KLF7: variants seen among roughly 807,000 people sequenced by gnomAD.
KLF7 encodes Krueppel-like factor 7.
In KLF7, 2 loss-of-function variants were observed where a neutral mutation model predicts 27.3. That is an observed-to-expected ratio of 0.07 (90% CI 0.03 to 0.23). KLF7 has a LOEUF of 0.23. Among genes scored for constraint, KLF7 ranks in the 10% least tolerant of loss-of-function variants. KLF7 has a pLI of 1.00. For synonymous variants in KLF7, 165 were observed against 162.4 expected, an observed-to-expected ratio of 1.02 and a Z score of -0.12; for missense variants, 221 against 394.1, an observed-to-expected ratio of 0.56 and a Z score of 3.72.
chr2:207,138,808 CTG>C (rs1232163285), intron 1 of KLF7, among the ~76,000 whole-genome samples: 6 of 152,354 alleles, frequency 3.9e-5, no homozygotes, highest in African/African-American at 1.4e-4. Flanking sequence ...CATGTTTTCT[CTG>C]CTGAGAATCC....
At chr2:207,171,067 C>T (rs2078780891), upstream of KLF7, among the ~76,000 whole-genome samples, 1 of 149,708 alleles carries the variant, frequency 6.7e-6, no homozygotes, top group African/African-American at 2.5e-5. Flanking sequence ...CTATTGAGAA[C>T]ATTTGTGATT....
At chr2:207,169,827 T>C (rs1011922252), upstream of KLF7, among the ~76,000 whole-genome samples, 1 of 152,172 alleles carries the variant, frequency 6.6e-6, no homozygotes, top group African/African-American at 2.4e-5. Context: ...TGTGCCCAAA[T>C]AAGACATAGA....
At chr2:207,161,820 T>TG (rs1006321279) in intron 1 of KLF7, among the ~76,000 whole-genome samples, 28 of 152,188 alleles carry the variant, frequency 1.8e-4, no homozygotes, top group African/African-American at 6.7e-4. Context: ...AATAGGGGAA[T>TG]GGGGGAGGAG....
chr2:207,110,747 GAAATAAT>G (rs1182362329), intron 2 of KLF7, among the ~76,000 whole-genome samples: 2 of 152,186 alleles, frequency 1.3e-5, no homozygotes, highest in African/African-American at 4.8e-5. Context: ...AATCCTGACA[GAAATAAT>G]AAATAATGCA....
chr2:207,167,140 C>A, upstream of KLF7: 1 of 1,440,668 alleles, frequency 6.9e-7, no homozygotes, highest in Non-Finnish European at 9.1e-7. Flanking sequence ...TGAGGCTCAC[C>A]ATGGGGTCTC....
rs1050929440 is a variant in KLF7 at position 207,074,526 on chromosome 2, C to T, written c.*6687G>A. 1 of 152,112 alleles carries T rather than the reference C, an allele frequency of 6.6e-6. No individual in the cohort carries two copies. Among genetic ancestry groups the T allele is most frequent in the Admixed American group, 6.5e-5 (1 of 15,274 alleles). 9.4% of individuals were successfully genotyped at this position (152,112 alleles called of 1,614,324 possible). ...TTGTATTTCCATCTAGTTTTTTGTA[C>T]TCTCCACAGCCAGCTGGATTTCCTG... On this transcript the variant is annotated 3_prime_UTR_variant, in exon 4 of 4. Transcript: ENST00000309446.
intron 1 of KLF7, among the ~76,000 whole-genome samples, chr2:207,164,341 G>A (rs1466257528): frequency 2.0e-5 from 3 of 152,108 alleles, no homozygotes; most frequent in Admixed American, 1.3e-4. Flanking sequence ...AGGGCAAGCG[G>A]GTTTCTCCAG....
intron 1 of KLF7, among the ~76,000 whole-genome samples, chr2:207,133,846 C>T (rs1263437548): frequency 6.6e-6 from 1 of 152,140 alleles, no homozygotes; most frequent in Non-Finnish European, 1.5e-5. Context: ...CTCATTCCTC[C>T]CCCCAGTGGA....
At chr2:207,172,468 G>GT in the KLF7 span, among the ~76,000 whole-genome samples, 2 of 152,112 alleles carry the variant, frequency 1.3e-5, no homozygotes, top group Admixed American at 1.3e-4. Flanking sequence ...AAATAGATTT[G>GT]TGATACTTAT....
chr2:207,122,053 A>C (rs2077354405), intron 2 of KLF7: 1 of 152,206 alleles, frequency 6.6e-6, no homozygotes, highest in African/African-American at 2.4e-5. Flanking sequence ...CCAGCCTGGG[A>C]GCACTGCAAT....
At chr2:207,153,126 G>A (rs997327201) in intron 1 of KLF7, among the ~76,000 whole-genome samples, 3 of 152,028 alleles carry the variant, frequency 2.0e-5, no homozygotes, top group Non-Finnish European at 4.4e-5. Context: ...ACAGAGCAGC[G>A]AGTGTATACA....
intron 3 of KLF7, among the ~76,000 whole-genome samples, chr2:207,083,833 T>C (rs2543594): frequency 0.83 from 125,982 of 152,138 alleles, 52,953 homozygotes; most frequent in African/African-American, 0.93. Context: ...GATGTCAGCA[T>C]GAGAAGGACT....
chr2:207,143,726 C>A lies in KLF7; in HGVS notation c.103-19322G>T, dbSNP rs182901390. Among the ~76,000 whole-genome samples, 147 of 152,264 alleles carry A rather than the reference C, an allele frequency of 9.7e-4. 1 individual carries two copies. The highest frequency in any genetic ancestry group is 3.3e-3 in the African/African-American group (139 of 41,556). Reference sequence around the variant, plus strand: ...GGCTACTACTCAGATTCAACGCAGGCGCCTTCAGCGAGGGCTCCAGGGCAA... The same window carrying A: ...GGCTACTACTCAGATTCAACGCAGGAGCCTTCAGCGAGGGCTCCAGGGCAA... On this transcript the variant is annotated intron_variant, in intron 1 of 3. Coordinates refer to ENST00000309446, the MANE Select transcript of KLF7 (RefSeq NM_003709.4).
At chr2:207,166,208 G>A (rs1213445225), upstream of KLF7, 9 of 984,290 alleles carry the variant, frequency 9.1e-6, no homozygotes, top group South Asian at 4.7e-5. Context: ...GTAAACAGGG[G>A]GCTCATGAAG....
At chr2:207,153,173 G>A (rs559854815) in intron 1 of KLF7, among the ~76,000 whole-genome samples, 1 of 152,088 alleles carries the variant, frequency 6.6e-6, no homozygotes, top group Non-Finnish European at 1.5e-5. Context: ...TACACACCGA[G>A]ATGATGTTAA....
At position 207,123,736 on chromosome 2, in the gene KLF7, G is replaced by C. The variant is rs201430081; in HGVS notation, c.733+38C>G. The C allele has an allele frequency of 5.7e-6, 9 of 1,580,364 alleles. No individual in the cohort carries two copies. In the Admixed American group the frequency reaches 1.2e-4, roughly 22 times the overall value. On this transcript the variant is annotated intron_variant, in intron 2 of 3. Coordinates refer to ENST00000309446, the MANE Select transcript of KLF7 (RefSeq NM_003709.4). Reference sequence around the variant, plus strand: ...CCCACATGACGAGGCTACAGGAGGGGAAAGAAGAAACCACGTGCGGCCAAC... The same window carrying C: ...CCCACATGACGAGGCTACAGGAGGGCAAAGAAGAAACCACGTGCGGCCAAC...
chr2:207,115,797 G>A (rs2077164187), intron 2 of KLF7, among the ~76,000 whole-genome samples: 1 of 152,102 alleles, frequency 6.6e-6, no homozygotes, highest in South Asian at 2.1e-4. Flanking sequence ...CCTAATTGAA[G>A]GTTAAAAAAC....
intron 1 of KLF7, among the ~76,000 whole-genome samples, chr2:207,140,940 G>A (rs1325523725): frequency 6.6e-6 from 1 of 152,196 alleles, no homozygotes; most frequent in East Asian, 1.9e-4. Context: ...ACAATGTGGA[G>A]TCATGGAGAG....
chr2:207,152,095 G>A (rs554558116), intron 1 of KLF7, among the ~76,000 whole-genome samples: 1 of 152,292 alleles, frequency 6.6e-6, no homozygotes, highest in South Asian at 2.1e-4. Flanking sequence ...TCTCAGGAAA[G>A]TACTTTATTA....
Sources: gnomAD v4.1 joint callset for allele counts (sites outside exome capture counted in the v4.1 genomes callset) on GRCh38, gnomAD v4.1.1 for gene constraint, MANE v1.5 for transcripts, NCBI Gene and HGNC (gene_info 2026-07-23, HGNC 2026-07-21) for gene names.